The following EPHB1 variants were observed in gnomAD, a reference collection of about 807,000 sequenced individuals.
EPHB1 encodes EPH receptor B1, also known as ephrin type-B receptor 1.
Under a neutral mutation model 94.4 loss-of-function variants are expected in EPHB1, and 30 were observed. That is an observed-to-expected ratio of 0.32 (90% CI 0.24 to 0.43). EPHB1 has a LOEUF of 0.43. EPHB1 is among the 20% of genes least tolerant of loss of function. The pLI is 1.00. For missense variants in EPHB1, 1,055 were observed against 1,308.3 expected (o/e 0.81, Z 2.99); for synonymous variants, 522 against 489.1 (o/e 1.07, Z -0.89).
Position 134,795,305 on chromosome 3 carries a change from A to G in EPHB1, c.-327A>G, listed in dbSNP as rs2035797927. On this transcript the variant is annotated 5_prime_UTR_variant, in exon 1 of 16. An upstream start codon of the reference 5' UTR is lost. Transcript: ENST00000398015. ...CCCGTAGGCTCCGCTGTAGCTAGCA[A>G]TGTGACACCAGGACGCACTCGCTCT... is the stretch of plus-strand genomic sequence containing the variant. 4.6e-6 allele frequency: 2 copies of G among 436,446 alleles called. No individual in the cohort carries two copies. Among genetic ancestry groups the G allele is most frequent in the Non-Finnish European group, 8.1e-6 (2 of 245,574 alleles). The allele number at this position is 436,446 out of a possible 1,614,324, so 27.0% of individuals were successfully genotyped here. A position where few individuals can be genotyped will look rare whatever the true frequency, so the allele number is the denominator to read the frequency against.
chr3:134,855,946 C>CATGTAGGAGGA (rs1293090611), intron 1 of EPHB1, among the ~76,000 whole-genome samples: 1 of 152,116 alleles, frequency 6.6e-6, no homozygotes, highest in Admixed American at 6.5e-5. Flanking sequence ...AGAGAGGAGT[C>CATGTAGGAGGA]AGATAACTTA....
At chr3:135,223,867 T>C (rs960457475) in intron 12 of EPHB1, among the ~76,000 whole-genome samples, 1 of 152,236 alleles carries the variant, frequency 6.6e-6, no homozygotes, top group Non-Finnish European at 1.5e-5. Context: ...CTGAAATAAA[T>C]GCCCTCTGGA....
intron 3 of EPHB1, among the ~76,000 whole-genome samples, chr3:135,033,357 C>T (rs1203918040): frequency 6.6e-6 from 1 of 152,144 alleles, no homozygotes; most frequent in Non-Finnish European, 1.5e-5. Flanking sequence ...CCATGCTTTG[C>T]CTTTACAGCT....
intron 3 of EPHB1, among the ~76,000 whole-genome samples, chr3:134,966,177 C>T (rs1287000368): frequency 6.6e-6 from 1 of 152,124 alleles, no homozygotes; most frequent in East Asian, 1.9e-4. Flanking sequence ...AATGAGAATA[C>T]AAAAATTTTT....
rs186912653 is a variant in EPHB1, at chr3:134,945,527, T to C, written c.124-5844T>C. Among the ~76,000 whole-genome samples the C allele has an allele frequency of 1.8e-4, 28 of 152,342 alleles. No homozygotes were observed. In the East Asian group the frequency reaches 5.0e-3, roughly 27 times the overall value. ...TATTGATTTCAGTTTTGGCCCACACTTGAAGTATTGGGAGAAGCTACTGAA... is the reference window on the plus strand; with the variant it reads ...TATTGATTTCAGTTTTGGCCCACACCTGAAGTATTGGGAGAAGCTACTGAA... On this transcript the variant is annotated intron_variant, in intron 2 of 15. Coordinates refer to ENST00000398015, the MANE Select transcript of EPHB1 (RefSeq NM_004441.5).
At chr3:134,846,044 A>C (rs1186369918) in intron 1 of EPHB1, among the ~76,000 whole-genome samples, 2 of 151,830 alleles carry the variant, frequency 1.3e-5, no homozygotes, top group African/African-American at 4.8e-5. Context: ...ACCTTTGGGG[A>C]AGTGGGGCTG....
intron 3 of EPHB1, among the ~76,000 whole-genome samples, chr3:135,103,960 A>T (rs1939116889): frequency 6.6e-6 from 1 of 152,254 alleles, no homozygotes; most frequent in African/African-American, 2.4e-5. Flanking sequence ...ACAATTGTTT[A>T]TGCTGTTAAC....
intron 7 of EPHB1, among the ~76,000 whole-genome samples, chr3:135,163,981 G>A (rs1288173898): frequency 6.6e-6 from 1 of 152,118 alleles, no homozygotes. Context: ...ACTTTGGGCT[G>A]GTAACCTCCA....
At chr3:135,225,393 G>A (rs185437737) in intron 12 of EPHB1, among the ~76,000 whole-genome samples, 1 of 152,156 alleles carries the variant, frequency 6.6e-6, no homozygotes, top group Non-Finnish European at 1.5e-5. Context: ...GGCTTCTCCT[G>A]ACTTGTGGTT....
intron 3 of EPHB1, among the ~76,000 whole-genome samples, chr3:135,025,368 C>A (rs868440746): frequency 1.4e-5 from 1 of 73,138 alleles, no homozygotes; most frequent in African/African-American, 4.9e-5. Flanking sequence ...CCCCTCCCCC[C>A]ACCCCACAAC....
intron 4 of EPHB1, among the ~76,000 whole-genome samples, chr3:135,118,142 G>A (rs944031463): frequency 2.0e-5 from 3 of 152,158 alleles, no homozygotes; most frequent in East Asian, 1.9e-4. Context: ...GCCCACACCC[G>A]GGGACAGGGT....
intron 1 of EPHB1, among the ~76,000 whole-genome samples, chr3:134,919,654 A>AT (rs1379222502): frequency 6.6e-6 from 1 of 152,162 alleles, no homozygotes; most frequent in Admixed American, 6.5e-5. Context: ...TTCCATGCCA[A>AT]TAGGGCTGGC....
At chr3:135,072,089 T>G (rs561131623) in intron 3 of EPHB1, among the ~76,000 whole-genome samples, 1 of 152,214 alleles carries the variant, frequency 6.6e-6, no homozygotes, top group Admixed American at 6.5e-5. Context: ...AAAATGCAAG[T>G]AGGGCCAGGT....
intron 1 of EPHB1, among the ~76,000 whole-genome samples, chr3:134,850,933 A>C (rs2036969315): frequency 3.9e-5 from 6 of 152,270 alleles, no homozygotes; most frequent in Admixed American, 3.9e-4. Flanking sequence ...TGGGGGCAGC[A>C]GATGCAGCTG....
chr3:135,171,825 CT>C (rs1255076808), intron 9 of EPHB1, among the ~76,000 whole-genome samples: 1 of 152,204 alleles, frequency 6.6e-6, no homozygotes, highest in African/African-American at 2.4e-5. Context: ...TTTCATCCCC[CT>C]AACAGCCCCA....
chr3:135,223,059 A>T (rs542369180), intron 12 of EPHB1, among the ~76,000 whole-genome samples: 2 of 152,254 alleles, frequency 1.3e-5, no homozygotes, highest in Non-Finnish European at 2.9e-5. Context: ...ACATTCAGAA[A>T]TCATGTACTA....
At chr3:134,834,360 C>G (rs2108294498) in intron 1 of EPHB1, among the ~76,000 whole-genome samples, 1 of 152,272 alleles carries the variant, frequency 6.6e-6, no homozygotes, top group Non-Finnish European at 1.5e-5. Context: ...TCCTAACTCT[C>G]CCCTCTAGTA....
At chr3:134,960,566 A>T (rs192201075) in intron 3 of EPHB1, among the ~76,000 whole-genome samples, 1 of 152,188 alleles carries the variant, frequency 6.6e-6, no homozygotes, top group Non-Finnish European at 1.5e-5. Flanking sequence ...AGAGTATCTC[A>T]TCTTCCTTTG....
Position 135,106,416 on chromosome 3 carries a change from A to G in EPHB1, c.806-32A>G, listed in dbSNP as rs760297626. 5.6e-6 allele frequency: 9 copies of G among 1,610,902 alleles called. No homozygotes were observed. The African/African-American group carries it at 8.0e-5, about 14-fold the overall frequency. On this transcript the variant is annotated intron_variant, in intron 3 of 15. Coordinates refer to ENST00000398015, the MANE Select transcript of EPHB1 (RefSeq NM_004441.5). ...AAGAGTTTCTGGCTGCCACACTTCC[A>G]TTAATTATCACATGGTCTCTTTGTG... is the stretch of plus-strand genomic sequence containing the variant.
Sources: allele counts gnomAD v4.1 joint callset (sites outside exome capture counted in the v4.1 genomes callset), GRCh38; gene constraint gnomAD v4.1.1; transcripts MANE v1.5; gene names NCBI Gene and HGNC (gene_info 2026-07-23, HGNC 2026-07-21).